Variants in UGT1A6 observed in about 807,000 individuals in gnomAD.
UGT1A6 encodes the protein UDP-glucuronosyltransferase 1A6.
Under a neutral mutation model 44.4 loss-of-function variants are expected in UGT1A6, and 32 were observed. That is an observed-to-expected ratio of 0.72 (90% CI 0.54 to 0.97). The LOEUF is 0.97. Among genes scored for constraint, UGT1A6 ranks in the 50% least tolerant of loss-of-function variants. The probability of loss-of-function intolerance (pLI) is 0.00; values close to 1 mark genes in which losing one functional copy is unlikely to be tolerated. For synonymous variants in UGT1A6, 238 were observed against 248.5 expected (o/e 0.96, Z 0.40); for missense variants, 685 against 661.9 (o/e 1.03, Z -0.38).
intron 1 of UGT1A6, among the ~76,000 whole-genome samples, chr2:233,731,284 CT>C (rs78127606): frequency 0.15 from 20,469 of 139,534 alleles, 1,444 homozygotes; most frequent in East Asian, 0.21. Context: ...GTTTTTCTTT[CT>C]TTTTTTTTTT....
intron 1 of UGT1A6, among the ~76,000 whole-genome samples, chr2:233,735,199 T>C (rs2078621377): frequency 6.6e-6 from 1 of 152,232 alleles, no homozygotes; most frequent in Non-Finnish European, 1.5e-5. Flanking sequence ...TAGGTGCTCC[T>C]GTATTGGGTG....
At position 233,729,612 on chromosome 2, in the gene UGT1A6, T is replaced by G. The variant is rs769549634; in HGVS notation, c.861+35747T>G. On this transcript the variant is annotated intron_variant, in intron 1 of 4. Coordinates refer to ENST00000305139, the MANE Select transcript of UGT1A6 (RefSeq NM_001072.4). ...TTAACCTCTGCGCGGCAGTGCTGGC[T>G]AAGTACCTGTCGATTCCTACTGTGT... is the stretch of plus-strand genomic sequence containing the variant. 6 of 1,614,046 alleles carry G rather than the reference T, an allele frequency of 3.7e-6. No individual in the cohort carries two copies. In the South Asian group the frequency reaches 6.6e-5, roughly 18 times the overall value.
chr2:233,772,245 A>T lies in UGT1A6; in HGVS notation c.1302-17A>T, dbSNP rs1279252088. The T allele has an allele frequency of 1.2e-6, 2 of 1,614,050 alleles. No individual in the cohort carries two copies. The highest frequency in any genetic ancestry group is 1.7e-5 in the Admixed American group (1 of 60,002). On this transcript the variant is annotated splice_polypyrimidine_tract_variant and intron_variant, in intron 4 of 4. Coordinates refer to ENST00000305139, the MANE Select transcript of UGT1A6 (RefSeq NM_001072.4). ...CCACAGGTGTTCCAGGCATAACGAAACTGTCTTTGTGTTTAGTTACAAGGA... is the reference window on the plus strand; with the variant it reads ...CCACAGGTGTTCCAGGCATAACGAATCTGTCTTTGTGTTTAGTTACAAGGA...
At chr2:233,709,129 A>T (rs2076058664) in intron 1 of UGT1A6, among the ~76,000 whole-genome samples, 1 of 152,130 alleles carries the variant, frequency 6.6e-6, no homozygotes, top group Non-Finnish European at 1.5e-5. Context: ...ATGGTGGCCA[A>T]GGGGATGAGA....
At chr2:233,750,181 G>A (rs571998663) in intron 1 of UGT1A6, among the ~76,000 whole-genome samples, 9 of 151,994 alleles carry the variant, frequency 5.9e-5, no homozygotes. Context: ...TGCTGATAAT[G>A]TTGTGGACAA....
rs376887521 is a variant in UGT1A6, at chr2:233,757,535, A to AATATATATACATATACAT, written c.862-9490_862-9489insCATATACATATATATATA. On this transcript the variant is annotated intron_variant, in intron 1 of 4. Transcript: ENST00000305139. ...CAAAGCCAAAATCTTGCCTGTAAGG[A>AATATATATACATATACAT]ATATATATATATATATATATATATA... 8.8e-4 allele frequency among the ~76,000 whole-genome samples: 78 copies of AATATATATACATATACAT among 88,252 alleles called. 1 individual carries two copies. The highest frequency in any genetic ancestry group is 1.7e-3 in the African/African-American group (33 of 19,924). 57.9% of individuals were successfully genotyped at this position (88,252 alleles called of 152,430 possible). A position where few individuals can be genotyped will look rare whatever the true frequency, so the allele number is the denominator to read the frequency against.
At chr2:233,751,940 C>A (rs1176362402) in intron 1 of UGT1A6, among the ~76,000 whole-genome samples, 1 of 152,072 alleles carries the variant, frequency 6.6e-6, no homozygotes, top group Non-Finnish European at 1.5e-5. Flanking sequence ...TGAAGTTATA[C>A]TGAAAGGGTT....
intron 1 of UGT1A6, among the ~76,000 whole-genome samples, chr2:233,695,701 C>A (rs2075303342): frequency 6.6e-6 from 1 of 152,146 alleles, no homozygotes; most frequent in Non-Finnish European, 1.5e-5. Flanking sequence ...GATTATTTCA[C>A]CTAACATAAT....
intron 2 of UGT1A6, among the ~76,000 whole-genome samples, chr2:233,767,385 C>T (rs930276020): frequency 1.6e-4 from 25 of 152,084 alleles, no homozygotes; most frequent in African/African-American, 5.8e-4. Context: ...CCACCACACT[C>T]AGAAGTATCA....
At chr2:233,711,770 A>G (rs1244544490) in intron 1 of UGT1A6, among the ~76,000 whole-genome samples, 2 of 152,234 alleles carry the variant, frequency 1.3e-5, no homozygotes, top group African/African-American at 4.8e-5. Context: ...AGGAAGTGAG[A>G]TAGAAAGTGT....
intron 1 of UGT1A6, among the ~76,000 whole-genome samples, chr2:233,748,826 G>A (rs1470872637): frequency 1.3e-5 from 2 of 151,398 alleles, no homozygotes; most frequent in African/African-American, 4.9e-5. Context: ...AGGGTCTAGG[G>A]AGGAGATAAA....
intron 1 of UGT1A6, among the ~76,000 whole-genome samples, chr2:233,745,600 C>T (rs1179957536): frequency 6.6e-6 from 1 of 151,524 alleles, no homozygotes; most frequent in African/African-American, 2.4e-5. Flanking sequence ...GGACTTGGCA[C>T]TTGGTAAGCA....
chr2:233,743,245 C>T, intron 1 of UGT1A6: 3 of 429,418 alleles, frequency 7.0e-6, no homozygotes, highest in Admixed American at 3.0e-5. Context: ...AGGACTTTAA[C>T]TCAACTCTCC....
chr2:233,731,217 A>G (rs1429069865), intron 1 of UGT1A6, among the ~76,000 whole-genome samples: 2 of 151,714 alleles, frequency 1.3e-5, no homozygotes, highest in Non-Finnish European at 2.9e-5. Flanking sequence ...GTTTATTTAG[A>G]TTTGTAAAAA....
At chr2:233,732,144 T>G (rs1266752790) in intron 1 of UGT1A6, among the ~76,000 whole-genome samples, 4 of 152,136 alleles carry the variant, frequency 2.6e-5, no homozygotes, top group Admixed American at 2.0e-4. Context: ...TTGTTTGTTT[T>G]TTTTCTTGTA....
chr2:233,773,036 G>A lies in UGT1A6; in HGVS notation c.*477G>A. ...TGCCACCTTGTGTGTTTAAAGAAGG[G>A]AAGCTTTGTACCTTTAGAGTGTAGG... On this transcript the variant is annotated 3_prime_UTR_variant, in exon 5 of 5. Coordinates refer to ENST00000305139, the MANE Select transcript of UGT1A6 (RefSeq NM_001072.4). 1 of 196,980 alleles carries A rather than the reference G, an allele frequency of 5.1e-6. No individual in the cohort carries two copies. Among genetic ancestry groups the A allele is most frequent in the South Asian group, 9.8e-5 (1 of 10,240 alleles). The allele number at this position is 196,980 out of a possible 1,614,324, so 12.2% of individuals were successfully genotyped here. A position where few individuals can be genotyped will look rare whatever the true frequency, so the allele number is the denominator to read the frequency against.
At chr2:233,763,196 G>C (rs1166459393) in intron 1 of UGT1A6, among the ~76,000 whole-genome samples, 1 of 152,152 alleles carries the variant, frequency 6.6e-6, no homozygotes, top group Non-Finnish European at 1.5e-5. Context: ...TGCCTTGTTT[G>C]GTGCAGTCAG....
chr2:233,720,775 C>T (rs1334644827), intron 1 of UGT1A6, among the ~76,000 whole-genome samples: 5 of 151,426 alleles, frequency 3.3e-5, no homozygotes, highest in African/African-American at 4.9e-5. Flanking sequence ...GCCGGATCTC[C>T]GCTCACTGCA....
At chr2:233,757,238 G>A (rs191269433) in intron 1 of UGT1A6, among the ~76,000 whole-genome samples, 1 of 149,106 alleles carries the variant, frequency 6.7e-6, no homozygotes, top group Non-Finnish European at 1.5e-5. Context: ...AGAAGTGGTG[G>A]TGAGGTGGGG....
Sources: gnomAD v4.1 joint callset for allele counts (sites outside exome capture counted in the v4.1 genomes callset) on GRCh38, gnomAD v4.1.1 for gene constraint, MANE v1.5 for transcripts, NCBI Gene and HGNC (gene_info 2026-07-23, HGNC 2026-07-21) for gene names.